Variants in CSMD1 observed in about 807,000 individuals in gnomAD.
CSMD1 encodes CUB and Sushi multiple domains 1.
Under a neutral mutation model 417.5 loss-of-function variants are expected in CSMD1, and 213 were observed. That is an observed-to-expected ratio of 0.51 (90% CI 0.46 to 0.57). The LOEUF (loss-of-function observed/expected upper bound fraction) is 0.57. Among genes scored for constraint, CSMD1 ranks in the 20% least tolerant of loss-of-function variants. The probability of loss-of-function intolerance (pLI) is 0.00; values close to 1 mark genes in which losing one functional copy is unlikely to be tolerated. For synonymous variants in CSMD1, 2,862 were observed against 1,736.8 expected (o/e 1.65, Z -16.11); for missense variants, 6,923 against 4,529.7 (o/e 1.53, Z -15.17).
At chr8:3,096,814 G>A (rs371574529) in intron 47 of CSMD1, 35 bp downstream of exon 47, 110 of 1,308,998 alleles carry the variant, frequency 8.4e-5, no homozygotes, top group Non-Finnish European at 1.0e-4. Flanking sequence ...CAATGATGCC[G>A]AGGTCACTGC....
chr8:4,476,678 G>C (rs1227489897), intron 2 of CSMD1, among the ~76,000 whole-genome samples: 3 of 152,078 alleles, frequency 2.0e-5, no homozygotes, highest in Non-Finnish European at 4.4e-5. Flanking sequence ...GGACTCCCAG[G>C]TCAAATGCCA....
At chr8:3,031,297 C>T (rs777213907) in intron 50 of CSMD1, among the ~76,000 whole-genome samples, 20 of 121,930 alleles carry the variant, frequency 1.6e-4, no homozygotes, top group South Asian at 2.7e-4. Context: ...GGGAACATCA[C>T]ACTCTGGGGA....
At chr8:3,727,852 T>C (rs761413945) in intron 6 of CSMD1, among the ~76,000 whole-genome samples, 3 of 152,162 alleles carry the variant, frequency 2.0e-5, no homozygotes, top group Non-Finnish European at 4.4e-5. Context: ...AGGTGAAATA[T>C]GCCTGTCACA....
intron 1 of CSMD1, among the ~76,000 whole-genome samples, chr8:4,793,419 C>G (rs1414409103): frequency 1.3e-5 from 2 of 151,840 alleles, no homozygotes; most frequent in African/African-American, 4.8e-5. Context: ...CACCTTTTCC[C>G]TCCTCCCCCA....
intron 21 of CSMD1, among the ~76,000 whole-genome samples, chr8:3,353,385 T>C (rs1808541200): frequency 6.6e-6 from 1 of 152,208 alleles, no homozygotes; most frequent in African/African-American, 2.4e-5. Context: ...ACCCCTACCT[T>C]TCTGACCAAG....
intron 5 of CSMD1, among the ~76,000 whole-genome samples, chr8:3,783,749 C>T (rs376069650): frequency 5.3e-5 from 8 of 152,262 alleles, no homozygotes; most frequent in Non-Finnish European, 5.9e-5. Flanking sequence ...TATTCAGATC[C>T]CCCTTTGCAT....
At chr8:3,419,028 C>T (rs1223750221) in intron 12 of CSMD1, among the ~76,000 whole-genome samples, 2 of 152,152 alleles carry the variant, frequency 1.3e-5, no homozygotes, top group Admixed American at 6.5e-5. Context: ...ACATTATACT[C>T]GAGGCATACA....
chr8:2,963,126 G>C lies in CSMD1; in HGVS notation c.9454+96C>G, dbSNP rs1013415741. The C allele has an allele frequency of 8.9e-6, 12 of 1,349,066 alleles. No individual in the cohort carries two copies. The African/African-American group carries it at 1.3e-4, about 15-fold the overall frequency. 83.6% of individuals were successfully genotyped at this position (1,349,066 alleles called of 1,614,324 possible). The stretch of plus-strand genomic sequence containing the variant: ...ATTTTAGGGCTATTATTACCCACCA[G>C]GAAGGTCCTCAGATTGTAACCTTAG... On this transcript the variant is annotated intron_variant, in intron 60 of 69. Coordinates refer to ENST00000635120, the MANE Select transcript of CSMD1 (RefSeq NM_033225.6).
intron 3 of CSMD1, among the ~76,000 whole-genome samples, chr8:4,351,911 A>G (rs1168116225): frequency 6.6e-6 from 1 of 151,890 alleles, no homozygotes; most frequent in African/African-American, 2.4e-5. Flanking sequence ...ACCAAACTGT[A>G]GAAACACTGA....
chr8:4,587,407 ATATG>A (rs1185897455), intron 2 of CSMD1, among the ~76,000 whole-genome samples: 1 of 76,506 alleles, frequency 1.3e-5, no homozygotes, highest in Non-Finnish European at 2.6e-5. Flanking sequence ...ATGTGGATAT[ATATG>A]TATATGTACA....
At chr8:3,770,439 G>T (rs1435802232) in intron 5 of CSMD1, among the ~76,000 whole-genome samples, 1 of 152,140 alleles carries the variant, frequency 6.6e-6, no homozygotes, top group African/African-American at 2.4e-5. Flanking sequence ...TGAGGCAGAA[G>T]ATTCTCTTGA....
chr8:3,527,376 C>T (rs1400200568), intron 10 of CSMD1, among the ~76,000 whole-genome samples: 4 of 152,004 alleles, frequency 2.6e-5, no homozygotes, highest in South Asian at 4.1e-4. Context: ...TGTATGATTT[C>T]GTTTGTATAA....
intron 2 of CSMD1, among the ~76,000 whole-genome samples, chr8:4,424,632 G>A (rs974275591): frequency 6.6e-6 from 1 of 151,996 alleles, no homozygotes; most frequent in Non-Finnish European, 1.5e-5. Flanking sequence ...ATTTTCTGTA[G>A]AAAACAGAAA....
intron 1 of CSMD1, among the ~76,000 whole-genome samples, chr8:4,741,578 CAT>C (rs1432409624): frequency 3.9e-5 from 6 of 152,146 alleles, no homozygotes; most frequent in Non-Finnish European, 7.3e-5. Flanking sequence ...TAGATCTTAA[CAT>C]GTGTCTCGAG....
intron 7 of CSMD1, among the ~76,000 whole-genome samples, chr8:3,623,704 G>T (rs1187655309): frequency 6.6e-6 from 1 of 152,128 alleles, no homozygotes; most frequent in Non-Finnish European, 1.5e-5. Flanking sequence ...GGCCGGGCGT[G>T]GGGGCTCATG....
chr8:3,542,395 C>T (rs963060707), intron 10 of CSMD1, among the ~76,000 whole-genome samples: 1 of 152,138 alleles, frequency 6.6e-6, no homozygotes, highest in African/African-American at 2.4e-5. Flanking sequence ...TATATTTTAG[C>T]ACCTACCCTG....
At chr8:4,437,067 C>T (rs1263225097) in intron 2 of CSMD1, among the ~76,000 whole-genome samples, 2 of 152,108 alleles carry the variant, frequency 1.3e-5, no homozygotes, top group Non-Finnish European at 2.9e-5. Flanking sequence ...TTTAATGGGA[C>T]AGGCTATGGA....
chr8:3,416,804 G>T (rs1813181292), intron 12 of CSMD1, among the ~76,000 whole-genome samples: 3 of 152,190 alleles, frequency 2.0e-5, no homozygotes, highest in African/African-American at 7.2e-5. Flanking sequence ...TCTGTGACCT[G>T]TCTCCACAAG....
intron 64 of CSMD1, 115 bp from the exon 65 acceptor site, chr8:2,954,383 A>G (rs1459143889): frequency 1.6e-6 from 1 of 608,554 alleles, no homozygotes; most frequent in Non-Finnish European, 2.9e-6. Flanking sequence ...AATGTACAAA[A>G]TATGAATACC....
Sources: gnomAD v4.1 joint callset for allele counts (sites outside exome capture counted in the v4.1 genomes callset) on GRCh38, gnomAD v4.1.1 for gene constraint, MANE v1.5 for transcripts, NCBI Gene and HGNC (gene_info 2026-07-23, HGNC 2026-07-21) for gene names.